Variants in GPM6A observed in about 807,000 individuals in gnomAD.
The protein encoded by GPM6A is glycoprotein M6A.
Under a neutral mutation model 32.1 loss-of-function variants are expected in GPM6A, and 7 were observed. That is an observed-to-expected ratio of 0.22 (90% CI 0.12 to 0.41). The LOEUF (loss-of-function observed/expected upper bound fraction) is 0.41, where lower values mean the gene tolerates loss of function less well. Among genes scored for constraint, GPM6A ranks in the 10% least tolerant of loss-of-function variants. GPM6A has a pLI of 1.00. For synonymous variants in GPM6A, 130 were observed against 123.4 expected, an observed-to-expected ratio of 1.05 and a Z score of -0.35; for missense variants, 235 against 347.2, an observed-to-expected ratio of 0.68 and a Z score of 2.57.
intron 1 of GPM6A, among the ~76,000 whole-genome samples, chr4:175,770,483 T>C (rs962144014): frequency 6.6e-6 from 1 of 152,226 alleles, no homozygotes; most frequent in African/African-American, 2.4e-5. Flanking sequence ...AGAGGCTTTT[T>C]ATGCCTCAGA....
At chr4:175,917,204 C>T (rs1050128397) in intron 1 of GPM6A, among the ~76,000 whole-genome samples, 7 of 152,194 alleles carry the variant, frequency 4.6e-5, no homozygotes, top group East Asian at 1.9e-4. Context: ...GTAAAGCAAG[C>T]GAATGGGTCC....
At chr4:175,840,503 C>T (rs558999600) in intron 1 of GPM6A, among the ~76,000 whole-genome samples, 1 of 152,282 alleles carries the variant, frequency 6.6e-6, no homozygotes, top group African/African-American at 2.4e-5. Context: ...CATGGCGAAA[C>T]ATCTTTTCTA....
chr4:175,815,718 C>CTTTT (rs60711329), upstream of GPM6A, among the ~76,000 whole-genome samples: 117 of 127,070 alleles, frequency 9.2e-4, 9 homozygotes, highest in Admixed American at 2.3e-3. Flanking sequence ...TTTTTCTTTT[C>CTTTT]TTTTTTTTTT....
At chr4:175,781,164 C>A (rs1244286281) in intron 1 of GPM6A, 1 of 152,012 alleles carries the variant, frequency 6.6e-6, no homozygotes. Context: ...ATAACGTTCA[C>A]ATTAATTTCT....
At chr4:175,910,363 G>A (rs1303953001) in intron 1 of GPM6A, among the ~76,000 whole-genome samples, 1 of 152,154 alleles carries the variant, frequency 6.6e-6, no homozygotes, top group East Asian at 1.9e-4. Context: ...CTTTGAACCT[G>A]CTTTGAAGCT....
intron 1 of GPM6A, among the ~76,000 whole-genome samples, chr4:175,789,932 A>G (rs1246457534): frequency 1.3e-5 from 2 of 152,222 alleles, no homozygotes; most frequent in Non-Finnish European, 2.9e-5. Flanking sequence ...TGCCATTGAT[A>G]GCAAATATAT....
In GPM6A at chr4:175,694,022, C is replaced by T. The variant is rs561420576; in HGVS notation, c.230+7553G>A. Among the ~76,000 whole-genome samples the T allele has an allele frequency of 6.8e-4, 104 of 152,228 alleles. 1 individual carries two copies. Among genetic ancestry groups the T allele is most frequent in the Non-Finnish European group, 1.4e-3 (94 of 68,010 alleles). ...TCCTGCTCTGGCCGTGTAAGATAGG[C>T]CTGTTTCCCTTTTGCCTTCCACCAT... On this transcript the variant is annotated intron_variant, in intron 2 of 6. Coordinates refer to ENST00000393658, the MANE Select transcript of GPM6A (RefSeq NM_201591.3).
At chr4:175,908,063 C>T (rs1352893316) in intron 1 of GPM6A, among the ~76,000 whole-genome samples, 1 of 152,088 alleles carries the variant, frequency 6.6e-6, no homozygotes. Context: ...CAGAGAAAAA[C>T]AGTAAATGTA....
rs76551448 is a variant in GPM6A at position 175,948,347 on chromosome 4, C to T, written c.-23+53962G>A. On this transcript the variant is annotated intron_variant, in intron 1 of 7. Coordinates refer to the GPM6A transcript ENST00000280187. ...AAAAGACATGAGAGAAATGATTTTT[C>T]TTTCCTTCATAGAAGAATACAATGA... Among the ~76,000 whole-genome samples, 479 of 152,240 alleles carry T rather than the reference C, an allele frequency of 3.1e-3. 12 individuals carry two copies. In the East Asian group the frequency reaches 0.067, roughly 21 times the overall value.
At chr4:175,637,631 A>G (rs1560842501) in intron 6 of GPM6A, among the ~76,000 whole-genome samples, 12 of 17,970 alleles carry the variant, frequency 6.7e-4, no homozygotes, top group Admixed American at 3.1e-3. Context: ...TATATTATAT[A>G]TATATTATAT....
In GPM6A at chr4:175,930,425, T is replaced by TTG. The variant is rs757598480; in HGVS notation, c.-23+71883_-23+71884insCA. 2.1e-3 allele frequency among the ~76,000 whole-genome samples: 264 copies of TTG among 124,962 alleles called. 3 individuals carry two copies. The highest frequency in any genetic ancestry group is 6.3e-3 in the African/African-American group (241 of 38,232). The allele number at this position is 124,962 out of a possible 152,430, so 82.0% of individuals were successfully genotyped here. A position where few individuals can be genotyped will look rare whatever the true frequency, so the allele number is the denominator to read the frequency against. On this transcript the variant is annotated intron_variant, in intron 1 of 7. Transcript: ENST00000280187. The stretch of plus-strand genomic sequence containing the variant: ...CTTTAGAGGCTTTTCATCTGTTTTT[T>TTG]GGGGGGGGGTTTTTTTGTTGTTGTT...
intron 1 of GPM6A, among the ~76,000 whole-genome samples, chr4:175,918,722 A>C (rs1738573861): frequency 6.6e-6 from 1 of 152,100 alleles, no homozygotes. Flanking sequence ...TTTGTCAAAA[A>C]CATGTGTTTC....
chr4:175,900,140 G>A (rs1737912309), intron 1 of GPM6A, among the ~76,000 whole-genome samples: 1 of 151,922 alleles, frequency 6.6e-6, no homozygotes. Context: ...AGGCGTGGTG[G>A]TGGGCACCTG....
chr4:175,762,653 T>C (rs1034603355), intron 1 of GPM6A, among the ~76,000 whole-genome samples: 2 of 152,106 alleles, frequency 1.3e-5, no homozygotes, highest in African/African-American at 4.8e-5. Flanking sequence ...TAAAAAAAAT[T>C]ATGGGAAAGT....
chr4:175,990,124 G>C (rs1741093989), intron 1 of GPM6A, among the ~76,000 whole-genome samples: 1 of 152,180 alleles, frequency 6.6e-6, no homozygotes, highest in South Asian at 2.1e-4. Flanking sequence ...TGTTCTTGAT[G>C]ACTCCTTCCT....
At chr4:175,651,556 G>A (rs1444903849) in intron 4 of GPM6A, among the ~76,000 whole-genome samples, 1 of 151,954 alleles carries the variant, frequency 6.6e-6, no homozygotes, top group Admixed American at 6.6e-5. Flanking sequence ...ATCAAGAAAA[G>A]GAAACCACAC....
upstream of GPM6A, among the ~76,000 whole-genome samples, chr4:175,815,685 A>G (rs1735074706): frequency 6.7e-6 from 1 of 149,950 alleles, no homozygotes; most frequent in Non-Finnish European, 1.5e-5. Flanking sequence ...GACAGTCCTC[A>G]TCACTACAAA....
At chr4:175,856,369 C>T (rs1212592678) in intron 1 of GPM6A, among the ~76,000 whole-genome samples, 2 of 152,274 alleles carry the variant, frequency 1.3e-5, no homozygotes, top group East Asian at 3.9e-4. Context: ...GGAGGGGGAG[C>T]ACATAGGTGA....
chr4:175,913,302 C>T (rs1227347852), intron 1 of GPM6A, among the ~76,000 whole-genome samples: 1 of 152,032 alleles, frequency 6.6e-6, no homozygotes, highest in African/African-American at 2.4e-5. Flanking sequence ...TGTGTCTATG[C>T]GTATATATTC....
Sources: gnomAD v4.1 joint callset for allele counts (sites outside exome capture counted in the v4.1 genomes callset) on GRCh38, gnomAD v4.1.1 for gene constraint, MANE v1.5 for transcripts, NCBI Gene and HGNC (gene_info 2026-07-23, HGNC 2026-07-21) for gene names.